CNTNAP5: variants seen among roughly 807,000 people sequenced by gnomAD.
The protein encoded by CNTNAP5 is contactin-associated protein-like 5.
Under a neutral mutation model 150.2 loss-of-function variants are expected in CNTNAP5, and 72 were observed. The observed-to-expected ratio is 0.48, with a 90% CI of 0.40 to 0.58. CNTNAP5 has a LOEUF of 0.58. Among genes scored for constraint, CNTNAP5 ranks in the 20% least tolerant of loss-of-function variants. CNTNAP5 has a pLI of 0.00. For missense variants in CNTNAP5, 1,636 were observed against 1,626.2 expected, an observed-to-expected ratio of 1.01 and a Z score of -0.10; for synonymous variants, 672 against 619.8, an observed-to-expected ratio of 1.08 and a Z score of -1.25.
intron 11 of CNTNAP5, among the ~76,000 whole-genome samples, chr2:124,564,969 C>T (rs1695982631): frequency 6.6e-6 from 1 of 152,198 alleles, no homozygotes; most frequent in Admixed American, 6.5e-5. Flanking sequence ...TCCGGTTTTT[C>T]TTAAGTGCCT....
intron 6 of CNTNAP5, among the ~76,000 whole-genome samples, chr2:124,461,147 T>C (rs1424384353): frequency 6.6e-6 from 1 of 151,992 alleles, no homozygotes; most frequent in African/African-American, 2.4e-5. Context: ...GAACTAGAAA[T>C]ACCATTTGAC....
chr2:124,060,164 T>A (rs186332952), intron 1 of CNTNAP5, among the ~76,000 whole-genome samples: 124 of 152,282 alleles, frequency 8.1e-4, no homozygotes, highest in African/African-American at 2.8e-3. Flanking sequence ...TTGGAATCGA[T>A]GACTCCACAG....
At chr2:124,806,212 C>T (rs913041460) in intron 19 of CNTNAP5, among the ~76,000 whole-genome samples, 23 of 151,718 alleles carry the variant, frequency 1.5e-4, no homozygotes, top group African/African-American at 5.3e-4. Context: ...TCTGATTATT[C>T]TTGGATTTAA....
chr2:124,216,032 A>T (rs1686147747), intron 1 of CNTNAP5, among the ~76,000 whole-genome samples: 1 of 152,130 alleles, frequency 6.6e-6, no homozygotes, highest in Non-Finnish European at 1.5e-5. Flanking sequence ...AAACCCTTAT[A>T]TATAAAGTGA....
At chr2:124,905,091 C>G (rs1573702157) in intron 22 of CNTNAP5, among the ~76,000 whole-genome samples, 1 of 136,600 alleles carries the variant, frequency 7.3e-6, no homozygotes, top group Non-Finnish European at 1.6e-5. Context: ...AAAAAATAGG[C>G]AAAGGATGTG....
At chr2:124,403,671 A>C (rs1691488793) in intron 3 of CNTNAP5, among the ~76,000 whole-genome samples, 2 of 152,198 alleles carry the variant, frequency 1.3e-5, no homozygotes, top group African/African-American at 4.8e-5. Context: ...CCAGATTCAA[A>C]GAGGAATTAC....
At chr2:124,247,053 C>A (rs765590718) in intron 3 of CNTNAP5, among the ~76,000 whole-genome samples, 1 of 152,050 alleles carries the variant, frequency 6.6e-6, no homozygotes, top group Non-Finnish European at 1.5e-5. Context: ...TCAATTCAAG[C>A]AATGGATTAT....
intron 13 of CNTNAP5, among the ~76,000 whole-genome samples, chr2:124,725,441 C>A (rs992025332): frequency 8.0e-5 from 12 of 150,688 alleles, no homozygotes; most frequent in Admixed American, 5.3e-4. Context: ...CCTTTACTCC[C>A]CTTCCCCTTC....
At chr2:124,373,769 T>C (rs1406029325) in intron 3 of CNTNAP5, among the ~76,000 whole-genome samples, 1 of 151,864 alleles carries the variant, frequency 6.6e-6, no homozygotes, top group African/African-American at 2.4e-5. Context: ...AAAATTTCTG[T>C]ATGAAGTTAT....
chr2:124,579,830 T>C (rs1696370204), intron 11 of CNTNAP5, among the ~76,000 whole-genome samples: 2 of 152,114 alleles, frequency 1.3e-5, no homozygotes, highest in African/African-American at 4.8e-5. Flanking sequence ...CTCACCTAAG[T>C]GAGAAAATGA....
intron 3 of CNTNAP5, among the ~76,000 whole-genome samples, chr2:124,385,037 G>T (rs1165596647): frequency 6.6e-6 from 1 of 152,162 alleles, no homozygotes; most frequent in Non-Finnish European, 1.5e-5. Flanking sequence ...GCAAGTGATG[G>T]GAGGTCACTT....
At chr2:124,701,353 A>C (rs1246718923) in intron 13 of CNTNAP5, among the ~76,000 whole-genome samples, 2 of 152,064 alleles carry the variant, frequency 1.3e-5, no homozygotes, top group African/African-American at 4.8e-5. Context: ...AAATGGCAAG[A>C]TCTCACTCAG....
intron 1 of CNTNAP5, among the ~76,000 whole-genome samples, chr2:124,178,126 C>T (rs935532347): frequency 6.6e-6 from 1 of 152,098 alleles, no homozygotes; most frequent in African/African-American, 2.4e-5. Context: ...GGATTACAGA[C>T]CTGAGCCACC....
Position 124,707,939 on chromosome 2 carries a change from AAC to A in CNTNAP5, c.2078-39289_2078-39288del, listed in dbSNP as rs200984718. ...TATACAAGCAATGCTTCCAGGATAA[AAC>A]TTTTAAAAAAAATCACTATCAATGA... On this transcript the variant is annotated intron_variant, in intron 13 of 23. Transcript: ENST00000682447. Among the ~76,000 whole-genome samples the A allele has an allele frequency of 2.5e-4, 38 of 152,192 alleles. No individual in the cohort carries two copies. The East Asian group carries it at 3.5e-3, about 14-fold the overall frequency.
chr2:124,440,020 A>G (rs1174332394), intron 5 of CNTNAP5, among the ~76,000 whole-genome samples: 1 of 152,190 alleles, frequency 6.6e-6, no homozygotes, highest in Non-Finnish European at 1.5e-5. Flanking sequence ...CACTAAGAGT[A>G]GTGAAGACAG....
chr2:124,263,842 G>A (rs1210171705), intron 3 of CNTNAP5, among the ~76,000 whole-genome samples: 2 of 152,150 alleles, frequency 1.3e-5, no homozygotes, highest in Admixed American at 1.3e-4. Context: ...GTAAGGAAGG[G>A]ATCCAGTTTC....
intron 1 of CNTNAP5, among the ~76,000 whole-genome samples, chr2:124,085,177 C>T (rs1036061128): frequency 6.6e-6 from 1 of 152,116 alleles, no homozygotes; most frequent in Non-Finnish European, 1.5e-5. Flanking sequence ...GCCTCGGCCT[C>T]TCAAAGTGCT....
At chr2:124,621,243 A>G (rs1677608440) in intron 12 of CNTNAP5, among the ~76,000 whole-genome samples, 1 of 152,250 alleles carries the variant, frequency 6.6e-6, no homozygotes, top group Non-Finnish European at 1.5e-5. Context: ...TTGTTTGTCT[A>G]GAATCACTAG....
chr2:124,543,496 G>A (rs534103251), intron 10 of CNTNAP5, among the ~76,000 whole-genome samples: 66 of 152,210 alleles, frequency 4.3e-4, no homozygotes, highest in Admixed American at 1.0e-3. Flanking sequence ...TAAAGTTGGC[G>A]TTGTTTACCT....
Sources: gnomAD v4.1 joint callset for allele counts (sites outside exome capture counted in the v4.1 genomes callset) on GRCh38, gnomAD v4.1.1 for gene constraint, MANE v1.5 for transcripts, NCBI Gene and HGNC (gene_info 2026-07-23, HGNC 2026-07-21) for gene names.